NWD2: variants seen among roughly 807,000 people sequenced by gnomAD.
NWD2 encodes NACHT and WD repeat domain-containing protein 2.
NWD2 carries 37 observed loss-of-function variants against 132.7 expected under a neutral mutation model. The observed-to-expected ratio is 0.28, with a 90% CI of 0.21 to 0.37. The LOEUF is 0.37. Ranked by LOEUF, NWD2 falls within the 10% of genes least tolerant of loss-of-function variation. The pLI is 1.00. For missense variants in NWD2, 1,592 were observed against 2,122.4 expected (o/e 0.75, Z 4.91); for synonymous variants, 705 against 803.0 (o/e 0.88, Z 2.06).
At chr4:37,337,570 C>G (rs1719434692) in intron 2 of NWD2, among the ~76,000 whole-genome samples, 1 of 152,310 alleles carries the variant, frequency 6.6e-6, no homozygotes, top group South Asian at 2.1e-4. Flanking sequence ...AGAGGTGTCT[C>G]CTGCAGCCCC....
intron 1 of NWD2, among the ~76,000 whole-genome samples, chr4:37,306,948 C>T (rs1017578716): frequency 9.3e-5 from 14 of 151,350 alleles, no homozygotes; most frequent in African/African-American, 2.7e-4. Flanking sequence ...CACTTGAACC[C>T]GGGAGGTGGA....
intron 3 of NWD2, among the ~76,000 whole-genome samples, chr4:37,419,173 G>C (rs768454062): frequency 6.6e-6 from 1 of 152,124 alleles, no homozygotes; most frequent in African/African-American, 2.4e-5. Context: ...TTAATAAATG[G>C]TGTTGGGAAA....
intron 3 of NWD2, among the ~76,000 whole-genome samples, chr4:37,403,920 C>T (rs1456167515): frequency 2.6e-5 from 4 of 152,156 alleles, no homozygotes; most frequent in Admixed American, 6.6e-5. Flanking sequence ...TTTTCACTGA[C>T]AAACTTTAGT....
At chr4:37,433,789 C>T in intron 4 of NWD2, 87 bp from the exon 5 acceptor site, 2 of 1,093,564 alleles carry the variant, frequency 1.8e-6, no homozygotes, top group Non-Finnish European at 2.6e-6. Context: ...CATAGTAGGC[C>T]TTCAAATAAT....
intron 1 of NWD2, among the ~76,000 whole-genome samples, chr4:37,255,108 T>C (rs1717488125): frequency 6.6e-6 from 1 of 152,186 alleles, no homozygotes; most frequent in Non-Finnish European, 1.5e-5. Context: ...TGTGGAAAGT[T>C]AGAAAGGGAG....
chr4:37,250,717 T>A (rs1435780959), intron 1 of NWD2, among the ~76,000 whole-genome samples: 1 of 152,240 alleles, frequency 6.6e-6, no homozygotes, highest in Non-Finnish European at 1.5e-5. Context: ...GGCATATAAA[T>A]TAGAACTCAC....
At position 37,446,736 on chromosome 4, in the gene NWD2, G is replaced by T. The variant is rs1712647630; in HGVS notation, c.4748G>T (p.Cys1583Phe). ...GATGGTCGCTACCTGGTATACATTT[G>T]TTTCCGAAATGGGGAGGAGGAGGAT... ...SRDGRYLVYI[C>F]FRNGEEEDEN... Residue 1583 changes from cysteine to phenylalanine, a missense_variant, in exon 7 of 7, where the codon TGT becomes TTT. Coordinates refer to ENST00000309447, the MANE Select transcript of NWD2 (RefSeq NM_001144990.2). This position sits in a 1 kb window ranked among gnomAD's most constrained non-coding sequence, Gnocchi z 6.7. 3 of 1,551,562 alleles carry T rather than the reference G, an allele frequency of 1.9e-6. No homozygotes were observed. Among genetic ancestry groups the T allele is most frequent in the South Asian group, 1.2e-5 (1 of 84,048 alleles).
At chr4:37,264,414 A>G (rs1342515835) in intron 1 of NWD2, among the ~76,000 whole-genome samples, 3 of 152,058 alleles carry the variant, frequency 2.0e-5, no homozygotes, top group Admixed American at 6.6e-5. Flanking sequence ...TAATTTTTTC[A>G]TAACCAGCTG....
At chr4:37,430,820 A>C in intron 4 of NWD2, 45 bp downstream of exon 4, 1 of 1,472,196 alleles carries the variant, frequency 6.8e-7, no homozygotes, top group Non-Finnish European at 9.3e-7. Context: ...CCATTACTAC[A>C]TTTGTTACCA....
chr4:37,337,993 T>C (rs1719444192), intron 2 of NWD2, among the ~76,000 whole-genome samples: 1 of 152,230 alleles, frequency 6.6e-6, no homozygotes, highest in African/African-American at 2.4e-5. Context: ...CTTCGAAGCT[T>C]GCCTTTTCTT....
intron 3 of NWD2, among the ~76,000 whole-genome samples, chr4:37,417,978 G>A (rs114818123): frequency 0.015 from 2,278 of 152,150 alleles, 31 homozygotes; most frequent in South Asian, 0.024. Flanking sequence ...TATTTGCTCC[G>A]TCAATAGAGG....
chr4:37,262,526 T>C (rs1264590204), intron 1 of NWD2, among the ~76,000 whole-genome samples: 3 of 152,156 alleles, frequency 2.0e-5, no homozygotes, highest in African/African-American at 7.2e-5. Flanking sequence ...TTCACTGGGA[T>C]GTACATTTTC....
chr4:37,332,177 A>G (rs2170044), intron 2 of NWD2, among the ~76,000 whole-genome samples: 1 of 152,062 alleles, frequency 6.6e-6, no homozygotes, highest in African/African-American at 2.4e-5. Context: ...CTTGGGGTGC[A>G]TGTGAACTAG....
chr4:37,256,706 A>G (rs1026714076), intron 1 of NWD2, among the ~76,000 whole-genome samples: 2 of 152,318 alleles, frequency 1.3e-5, no homozygotes, highest in Non-Finnish European at 2.9e-5. Context: ...GTCTAAATCT[A>G]TTTACAGAAG....
At chr4:37,266,038 C>T (rs998847544) in intron 1 of NWD2, among the ~76,000 whole-genome samples, 2 of 152,086 alleles carry the variant, frequency 1.3e-5, no homozygotes, top group African/African-American at 4.8e-5. Flanking sequence ...TGTCTAAATT[C>T]ATTCCTTCTG....
intron 1 of NWD2, among the ~76,000 whole-genome samples, chr4:37,306,659 A>G (rs1718713765): frequency 6.6e-6 from 1 of 152,164 alleles, no homozygotes; most frequent in African/African-American, 2.4e-5. Context: ...ATGAAAAGAT[A>G]CTTGATATGA....
intron 2 of NWD2, among the ~76,000 whole-genome samples, chr4:37,339,234 CAA>C (rs1719471624): frequency 6.6e-6 from 1 of 152,090 alleles, no homozygotes; most frequent in Non-Finnish European, 1.5e-5. Flanking sequence ...GGAAGGGAGA[CAA>C]AGAGGCAAAA....
At position 37,287,284 on chromosome 4, in the gene NWD2, G is replaced by T. The variant is rs1718254384; in HGVS notation, c.152-38652G>T. Among the ~76,000 whole-genome samples the T allele has an allele frequency of 1.3e-5, 2 of 152,332 alleles. 1 individual carries two copies. The highest frequency in any genetic ancestry group is 3.9e-4 in the East Asian group (2 of 5,180). On this transcript the variant is annotated intron_variant, in intron 1 of 6. Coordinates refer to ENST00000309447, the MANE Select transcript of NWD2 (RefSeq NM_001144990.2). ...TAAGCCTGCAGAGCTCCCAGGGAAA[G>T]GGGCAACCAGCACCACAGCTGTAGC...
intron 1 of NWD2, among the ~76,000 whole-genome samples, chr4:37,272,258 T>C (rs1717887003): frequency 6.6e-6 from 1 of 151,730 alleles, no homozygotes; most frequent in Admixed American, 6.6e-5. Flanking sequence ...TATTGTTCTG[T>C]AGTTTTCTCA....
Sources: allele counts gnomAD v4.1 joint callset (sites outside exome capture counted in the v4.1 genomes callset), GRCh38; gene constraint gnomAD v4.1.1; non-coding constraint Gnocchi (gnomAD v3.1); transcripts MANE v1.5; gene names NCBI Gene and HGNC (gene_info 2026-07-23, HGNC 2026-07-21).